Variants in SFXN5 observed in about 807,000 individuals in gnomAD.
SFXN5 encodes the protein sideroflexin 5, also known as sideroflexin-5.
A neutral mutation model predicts 50.2 loss-of-function variants in SFXN5; 43 were observed. The observed-to-expected ratio is 0.86, with a 90% CI of 0.67 to 1.11. SFXN5 has a LOEUF of 1.11. Among genes scored for constraint, SFXN5 ranks in the 50% least tolerant of loss-of-function variants. The pLI, the probability that SFXN5 is intolerant of heterozygous loss-of-function variation, is 0.00. For synonymous variants in SFXN5, 203 were observed against 185.8 expected (o/e 1.09, Z -0.75); for missense variants, 463 against 454.1 (o/e 1.02, Z -0.18).
At position 72,950,158 on chromosome 2, in the gene SFXN5, G is replaced by T. The variant is rs1246979087; in HGVS notation, c.946-5059C>A. Among the ~76,000 whole-genome samples the T allele has an allele frequency of 6.6e-6, 1 of 152,180 alleles. No homozygotes were observed. On this transcript the variant is annotated intron_variant, in intron 13 of 13. Transcript: ENST00000272433. This position sits in a 1 kb window ranked among gnomAD's most constrained non-coding sequence, Gnocchi z 4.2. ...GGCCTGGGGAACAGGCACATTTGAA[G>T]GGCAAGCGGAGGGAACAAGCCTGTG...
At chr2:72,947,855 C>T (rs1344677139) in intron 13 of SFXN5, among the ~76,000 whole-genome samples, 6 of 151,480 alleles carry the variant, frequency 4.0e-5, no homozygotes, top group South Asian at 2.1e-4. Flanking sequence ...TCCACCCTGC[C>T]GGCTCCCCTC....
intron 6 of SFXN5, among the ~76,000 whole-genome samples, chr2:73,004,341 A>ACACG (rs1674333583): frequency 6.6e-6 from 1 of 150,936 alleles, no homozygotes; most frequent in African/African-American, 2.4e-5. Flanking sequence ...ACACACACAC[A>ACACG]CACACACACA....
chr2:73,041,665 A>C (rs1325447145), intron 2 of SFXN5: 1 of 405,720 alleles, frequency 2.5e-6, no homozygotes, highest in Non-Finnish European at 5.0e-6. Flanking sequence ...ACTCCATCTA[A>C]AAAAGAAAAA....
rs187448544 is a variant in SFXN5 at position 72,998,536 on chromosome 2, C to T, written c.534+413G>A. On this transcript the variant is annotated intron_variant, in intron 9 of 13. Coordinates refer to ENST00000272433, the MANE Select transcript of SFXN5 (RefSeq NM_144579.3). ...CCATAGAGAGGGAAAAGCAGTGCCC[C>T]GGCAGCTGAGCAAGAGCTCAGGGGA... 8.7e-4 allele frequency: 160 copies of T among 183,498 alleles called. 1 individual carries two copies. Among genetic ancestry groups the T allele is most frequent in the African/African-American group, 3.5e-3 (149 of 42,582 alleles). The allele number at this position is 183,498 out of a possible 1,614,324, so 11.4% of individuals were successfully genotyped here.
intron 6 of SFXN5, among the ~76,000 whole-genome samples, chr2:73,015,422 T>C (rs1289295535): frequency 6.6e-6 from 1 of 152,216 alleles, no homozygotes; most frequent in Non-Finnish European, 1.5e-5. Context: ...TATACTTACT[T>C]TGGTATTGGT....
intron 9 of SFXN5, among the ~76,000 whole-genome samples, chr2:72,990,564 C>G (rs559484375): frequency 6.6e-6 from 1 of 152,322 alleles, no homozygotes; most frequent in African/African-American, 2.4e-5. Context: ...CGTGAGGCCA[C>G]TCAGCACATA....
intron 12 of SFXN5, among the ~76,000 whole-genome samples, chr2:72,963,625 G>C (rs1430243783): frequency 6.6e-6 from 1 of 152,132 alleles, no homozygotes; most frequent in African/African-American, 2.4e-5. Flanking sequence ...CGAATGCCTG[G>C]GAGAAAGGAA....
chr2:72,971,223 G>C (rs1332779132), intron 11 of SFXN5, among the ~76,000 whole-genome samples: 1 of 152,148 alleles, frequency 6.6e-6, no homozygotes, highest in Non-Finnish European at 1.5e-5. Flanking sequence ...GAAGGCCCGG[G>C]AGGTAGGGCC....
At chr2:72,996,898 G>C (rs2105655638) in intron 9 of SFXN5, 1 of 152,306 alleles carries the variant, frequency 6.6e-6, no homozygotes, top group Middle Eastern at 3.4e-3. Context: ...TTTTTGAGCT[G>C]CTAAGCTAAG....
chr2:73,051,829 A>G lies in SFXN5; in HGVS notation c.171+6699T>C, dbSNP rs184385421. 2.2e-4 allele frequency among the ~76,000 whole-genome samples: 34 copies of G among 152,232 alleles called. 1 individual carries two copies. The highest frequency in any genetic ancestry group is 1.8e-3 in the Admixed American group (27 of 15,282). On this transcript the variant is annotated intron_variant, in intron 2 of 13. Transcript: ENST00000272433. ...TCTGCATCCTTCAGAGGGGAGAAATATTGTTGTCTCACAGGGAAGAAGGCA... is the reference window on the plus strand; with the variant it reads ...TCTGCATCCTTCAGAGGGGAGAAATGTTGTTGTCTCACAGGGAAGAAGGCA...
intron 3 of SFXN5, among the ~76,000 whole-genome samples, chr2:73,040,586 A>G (rs1019161576): frequency 6.6e-6 from 1 of 152,282 alleles, no homozygotes; most frequent in East Asian, 1.9e-4. Context: ...GATGCCCACA[A>G]TCAGCTCTCG....
intron 3 of SFXN5, among the ~76,000 whole-genome samples, chr2:73,024,600 A>G (rs1384235627): frequency 6.6e-6 from 1 of 152,208 alleles, no homozygotes; most frequent in East Asian, 1.9e-4. Flanking sequence ...GCTGCAGTGA[A>G]CCATGATTGT....
rs772596729 is a variant in SFXN5 at position 73,022,605 on chromosome 2, T to G, written c.277-29A>C. The G allele has an allele frequency of 3.2e-5, 9 of 279,642 alleles. No individual in the cohort carries two copies. The African/African-American group carries it at 5.9e-4, about 18-fold the overall frequency. 17.3% of individuals were successfully genotyped at this position (279,642 alleles called of 1,614,324 possible). On this transcript the variant is annotated intron_variant, in intron 4 of 13. Transcript: ENST00000272433. ...GCAAAAGCAGGAACAGAGAATGGGG[T>G]GGGGACGGGGGTGTAGGGAGGGGGA...
intron 10 of SFXN5, among the ~76,000 whole-genome samples, chr2:72,987,593 T>C (rs1335721662): frequency 6.6e-6 from 1 of 151,638 alleles, no homozygotes; most frequent in African/African-American, 2.4e-5. Context: ...CCATCTCTAC[T>C]AAAAATGCAA....
chr2:72,967,243 T>C (rs1423954719), intron 12 of SFXN5: 1 of 152,208 alleles, frequency 6.6e-6, no homozygotes, highest in Non-Finnish European at 1.5e-5. Flanking sequence ...TTACTGAGCA[T>C]CTATTGTGTG....
intron 10 of SFXN5, among the ~76,000 whole-genome samples, chr2:72,979,245 A>C (rs1671001436): frequency 6.6e-6 from 1 of 152,212 alleles, no homozygotes; most frequent in African/African-American, 2.4e-5. Flanking sequence ...GGGGAGAGAA[A>C]GAAACCAGAA....
intron 3 of SFXN5, among the ~76,000 whole-genome samples, chr2:73,023,848 G>T (rs1677219808): frequency 6.6e-6 from 1 of 152,176 alleles, no homozygotes; most frequent in Non-Finnish European, 1.5e-5. Flanking sequence ...GGGAGAAAAA[G>T]TTCCTTTCAA....
In SFXN5 at chr2:72,961,197, G is replaced by C. The variant is rs765660927; in HGVS notation, c.879C>G (p.Leu293=). 2 of 1,563,588 alleles carry C rather than the reference G, an allele frequency of 1.3e-6. No homozygotes were observed. Among genetic ancestry groups the C allele is most frequent in the Non-Finnish European group, 1.7e-6 (2 of 1,160,368 alleles). The change falls in exon 13 of 14, where the codon CTC becomes CTG. Residue 293 remains leucine, a synonymous_variant. Coordinates refer to ENST00000272433, the MANE Select transcript of SFXN5 (RefSeq NM_144579.3). The surrounding 1 kb of genome is among the most constrained non-coding windows in gnomAD (Gnocchi z 4.4). ...CCAGGCCGAAGGCTGCCAGGCACAC[G>C]AGGCTTTGCACAGGGAGGAGCAGCC... The part of the protein sequence containing the change: ...RPRLLLPVQS[L]VCLAAFGLAL...
At chr2:73,032,968 G>A (rs1489954345) in intron 3 of SFXN5, among the ~76,000 whole-genome samples, 1 of 152,154 alleles carries the variant, frequency 6.6e-6, no homozygotes, top group Non-Finnish European at 1.5e-5. Context: ...ACTCACGAAA[G>A]AAGAGGGACT....
Sources: gnomAD v4.1 joint callset for allele counts (sites outside exome capture counted in the v4.1 genomes callset) on GRCh38, gnomAD v4.1.1 for gene constraint, Gnocchi (gnomAD v3.1) non-coding constraint, MANE v1.5 for transcripts, NCBI Gene and HGNC (gene_info 2026-07-23, HGNC 2026-07-21) for gene names.